The following FHIT variants were observed in gnomAD, a reference collection of about 807,000 sequenced individuals.
The protein encoded by FHIT is bis(5'-adenosyl)-triphosphatase.
In FHIT, 19 loss-of-function variants were observed where a neutral mutation model predicts 17.9. That is an observed-to-expected ratio of 1.06 (90% confidence interval 0.74 to 1.56). The LOEUF (loss-of-function observed/expected upper bound fraction) is 1.56, where lower values mean the gene tolerates loss of function less well. Ranked by LOEUF, FHIT falls within the 40% of genes most tolerant of loss-of-function variation. The pLI is 0.00. For missense variants in FHIT, 248 were observed against 189.2 expected, an observed-to-expected ratio of 1.31 and a Z score of -1.82; for synonymous variants, 81 against 69.7, an observed-to-expected ratio of 1.16 and a Z score of -0.81.
intron 5 of FHIT, among the ~76,000 whole-genome samples, chr3:60,035,997 C>G (rs1372396365): frequency 6.6e-6 from 1 of 152,176 alleles, no homozygotes; most frequent in South Asian, 2.1e-4. Flanking sequence ...GATATCCAGG[C>G]TAAGAGAGCA....
intron 5 of FHIT, among the ~76,000 whole-genome samples, chr3:60,190,800 G>C (rs1702368680): frequency 6.6e-6 from 1 of 151,992 alleles, no homozygotes; most frequent in African/African-American, 2.4e-5. Context: ...AAAATTAGCT[G>C]GGCATGGTAG....
chr3:60,753,657 T>C (rs1428983423), intron 4 of FHIT, among the ~76,000 whole-genome samples: 1 of 152,146 alleles, frequency 6.6e-6, no homozygotes, highest in Non-Finnish European at 1.5e-5. Flanking sequence ...AGTTTTCTCA[T>C]GACACTACTA....
intron 5 of FHIT, among the ~76,000 whole-genome samples, chr3:60,411,213 G>C (rs1431123048): frequency 6.6e-6 from 1 of 152,052 alleles, no homozygotes; most frequent in East Asian, 1.9e-4. Context: ...TCTTGAACTA[G>C]TTCTTAAATC....
intron 4 of FHIT, among the ~76,000 whole-genome samples, chr3:60,685,256 T>C (rs1170064987): frequency 1.3e-5 from 2 of 152,206 alleles, no homozygotes; most frequent in South Asian, 2.1e-4. Context: ...AAAAATTGAA[T>C]GAATTAAATT....
At chr3:59,749,640 A>C (rs1237955816) in intron 9 of FHIT, 61 bp from the exon 10 acceptor site, 2 of 230,318 alleles carry the variant, frequency 8.7e-6, no homozygotes, top group Non-Finnish European at 1.7e-5. Context: ...TCTTCTCTGT[A>C]GGAACAATGA....
chr3:60,033,341 C>G (rs183944730), intron 5 of FHIT, among the ~76,000 whole-genome samples: 1 of 151,962 alleles, frequency 6.6e-6, no homozygotes, highest in East Asian at 1.9e-4. Context: ...ACTAAAAATA[C>G]AAATCAGCCG....
At chr3:60,396,983 C>A (rs1335121699) in intron 5 of FHIT, among the ~76,000 whole-genome samples, 1 of 152,110 alleles carries the variant, frequency 6.6e-6, no homozygotes, top group African/African-American at 2.4e-5. Flanking sequence ...ATTACTGTTA[C>A]TTCTTTGCTT....
chr3:60,058,213 C>T (rs1318315498), intron 5 of FHIT, among the ~76,000 whole-genome samples: 6 of 134,128 alleles, frequency 4.5e-5, no homozygotes, highest in African/African-American at 1.1e-4. Flanking sequence ...GACTCGATCT[C>T]GGCTCACTGC....
At chr3:60,290,336 G>C (rs762133362) in intron 5 of FHIT, among the ~76,000 whole-genome samples, 1 of 152,144 alleles carries the variant, frequency 6.6e-6, no homozygotes, top group Middle Eastern at 3.2e-3. Context: ...GCTGGACCTA[G>C]TTATTTCCTT....
intron 4 of FHIT, among the ~76,000 whole-genome samples, chr3:60,603,568 AT>A (rs139600365): frequency 0.01 from 1,551 of 152,032 alleles, 34 homozygotes; most frequent in African/African-American, 0.036. Flanking sequence ...TATTGCCTAC[AT>A]TTTTTAATGA....
At chr3:59,999,111 G>T (rs1338170631) in intron 7 of FHIT, among the ~76,000 whole-genome samples, 3 of 152,048 alleles carry the variant, frequency 2.0e-5, no homozygotes, top group African/African-American at 7.2e-5. Flanking sequence ...CCTGACTCGG[G>T]TTTTCTCGCA....
chr3:60,682,389 G>A (rs1280771680), intron 4 of FHIT, among the ~76,000 whole-genome samples: 1 of 152,206 alleles, frequency 6.6e-6, no homozygotes, highest in Non-Finnish European at 1.5e-5. Context: ...AGAACAGGCT[G>A]ATTCTTTTGT....
In FHIT at chr3:60,945,617, C is replaced by A. The variant is rs151247318; in HGVS notation, c.-111+96430G>T. ...CCATGTTGGCCAAGCTGGTCTCAAACTCCTGACATCAAGTGATCCACCCGC... is the reference window on the plus strand; with the variant it reads ...CCATGTTGGCCAAGCTGGTCTCAAAATCCTGACATCAAGTGATCCACCCGC... On this transcript the variant is annotated intron_variant, in intron 3 of 9. Coordinates refer to ENST00000492590, the MANE Select transcript of FHIT (RefSeq NM_002012.4). 1.3e-4 allele frequency among the ~76,000 whole-genome samples: 20 copies of A among 152,308 alleles called. No homozygotes were observed. The East Asian group carries it at 2.9e-3, about 22-fold the overall frequency.
At chr3:60,824,035 T>C (rs1575569255) in intron 3 of FHIT, among the ~76,000 whole-genome samples, 1 of 152,134 alleles carries the variant, frequency 6.6e-6, no homozygotes, top group South Asian at 2.1e-4. Flanking sequence ...TGCTAGACCT[T>C]ATGGGCCACT....
At chr3:61,024,374 C>G (rs1458618490) in intron 3 of FHIT, among the ~76,000 whole-genome samples, 1 of 152,070 alleles carries the variant, frequency 6.6e-6, no homozygotes, top group Non-Finnish European at 1.5e-5. Context: ...TAAATACAAA[C>G]TTTCTTCCAC....
At chr3:60,330,009 T>A (rs1709887017) in intron 5 of FHIT, among the ~76,000 whole-genome samples, 1 of 152,248 alleles carries the variant, frequency 6.6e-6, no homozygotes, top group South Asian at 2.1e-4. Context: ...TATGTTCAAA[T>A]AATAACTTAT....
rs112248749 is a variant in FHIT at position 60,505,985 on chromosome 3, A to G, written c.103+30875T>C. Among the ~76,000 whole-genome samples the G allele has an allele frequency of 6.6e-3, 1,002 of 152,304 alleles. 10 individuals are homozygous for G. The highest frequency in any genetic ancestry group is 0.023 in the African/African-American group (947 of 41,558). On this transcript the variant is annotated intron_variant, in intron 5 of 9. Transcript: ENST00000492590. The stretch of plus-strand genomic sequence containing the variant: ...TAGAAGAAACTATTAGGCCATTTGT[A>G]AAAGTCTGGTTTGATGACTCCTCAT...
At chr3:60,026,326 A>C (rs1700740054) in intron 5 of FHIT, among the ~76,000 whole-genome samples, 1 of 152,014 alleles carries the variant, frequency 6.6e-6, no homozygotes, top group Admixed American at 6.6e-5. Flanking sequence ...AGAAAAAAAA[A>C]AAATAGTCAA....
At chr3:60,642,846 C>T (rs971881071) in intron 4 of FHIT, among the ~76,000 whole-genome samples, 3 of 152,190 alleles carry the variant, frequency 2.0e-5, no homozygotes, top group Non-Finnish European at 2.9e-5. Flanking sequence ...TTCCTCCCTT[C>T]CTTCACTTGT....
Sources: allele counts gnomAD v4.1 joint callset (sites outside exome capture counted in the v4.1 genomes callset), GRCh38; gene constraint gnomAD v4.1.1; transcripts MANE v1.5; gene names NCBI Gene and HGNC (gene_info 2026-07-23, HGNC 2026-07-21).